The following OTULIN variants were observed in gnomAD, a reference collection of about 807,000 sequenced individuals.
OTULIN encodes ubiquitin thioesterase otulin.
Under a neutral mutation model 39.6 loss-of-function variants are expected in OTULIN, and 15 were observed. That is an observed-to-expected ratio of 0.38 (90% CI 0.25 to 0.58). The LOEUF (loss-of-function observed/expected upper bound fraction) is 0.58. Ranked by LOEUF, OTULIN falls within the 20% of genes least tolerant of loss-of-function variation. The pLI, the probability that OTULIN is intolerant of heterozygous loss-of-function variation, is 0.66. For missense variants in OTULIN, 319 were observed against 445.9 expected (o/e 0.72, Z 2.56); for synonymous variants, 156 against 170.3 (o/e 0.92, Z 0.65).
chr5:14,710,173 A>ATGAC, the OTULIN span: 4 of 152,252 alleles, frequency 2.6e-5, no homozygotes, highest in Non-Finnish European at 5.9e-5. Context: ...CCGCAGAGTT[A>ATGAC]TGACTAAGGA....
the OTULIN span, among the ~76,000 whole-genome samples, chr5:14,714,154 C>T: frequency 6.6e-6 from 1 of 152,232 alleles, no homozygotes; most frequent in African/African-American, 2.4e-5. Flanking sequence ...CTCGTCCCCA[C>T]TTCCCTCTGT....
At chr5:14,713,064 T>A in the OTULIN span, 1 of 1,264,398 alleles carries the variant, frequency 7.9e-7, no homozygotes, top group African/African-American at 1.5e-5. The surrounding 1 kb of genome is among the most constrained non-coding windows in gnomAD (Gnocchi z 4.4). Flanking sequence ...AAGTGTAGCC[T>A]CGAGACGGCT....
chr5:14,680,787 G>C (rs886066277), intron 3 of OTULIN, among the ~76,000 whole-genome samples: 3 of 152,216 alleles, frequency 2.0e-5, no homozygotes, highest in African/African-American at 7.2e-5. Context: ...GGCGGGGCAC[G>C]GTGGCTCACG....
the OTULIN span, among the ~76,000 whole-genome samples, chr5:14,714,147 G>A: frequency 1.5e-4 from 23 of 152,330 alleles, 1 homozygote; most frequent in East Asian, 1.4e-3. Context: ...GAAGCTGCTC[G>A]TCCCCACTTC....
intron 1 of OTULIN, 140 bp from the exon 2 acceptor site, chr5:14,673,502 A>G (rs1256561315): frequency 6.0e-6 from 3 of 503,622 alleles, no homozygotes; most frequent in Non-Finnish European, 1.0e-5. Context: ...TAGAAGACTC[A>G]TATTTTATTA....
chr5:14,714,930 G>T, the OTULIN span, among the ~76,000 whole-genome samples: 3 of 152,222 alleles, frequency 2.0e-5, no homozygotes, highest in Non-Finnish European at 2.9e-5. Context: ...CTCAATCTGC[G>T]AGTGCAGCTG....
downstream of OTULIN, among the ~76,000 whole-genome samples, chr5:14,699,876 T>G (rs1736761426): frequency 6.6e-6 from 1 of 152,228 alleles, no homozygotes; most frequent in Non-Finnish European, 1.5e-5. Context: ...CCTGTTCATG[T>G]TCTTTGCCTC....
At chr5:14,678,828 T>A in intron 3 of OTULIN, 53 bp downstream of exon 3, 1 of 1,177,986 alleles carries the variant, frequency 8.5e-7, no homozygotes, top group Non-Finnish European at 1.2e-6. Context: ...CTATCATAAG[T>A]TGTTTAATAT....
the OTULIN span, among the ~76,000 whole-genome samples, chr5:14,714,461 G>A: frequency 6.6e-6 from 1 of 152,166 alleles, no homozygotes; most frequent in South Asian, 2.1e-4. Flanking sequence ...GAGAGGGCCT[G>A]TTAACCTCCC....
rs116766556 is a variant in OTULIN, at chr5:14,691,459, C to T, written c.864+1151C>T. Among the ~76,000 whole-genome samples, 1,514 of 152,302 alleles carry T rather than the reference C, an allele frequency of 9.9e-3. 28 individuals carry two copies. The highest frequency in any genetic ancestry group is 0.034 in the African/African-American group (1,426 of 41,544). ...GTTATTTTCAAAAATTACCTGTACT[C>T]ATAATGTGGGTTACTTACGTCTCCT... is the stretch of plus-strand genomic sequence containing the variant. On this transcript the variant is annotated intron_variant, in intron 6 of 6. Coordinates refer to ENST00000284274, the MANE Select transcript of OTULIN (RefSeq NM_138348.6).
intron 3 of OTULIN, among the ~76,000 whole-genome samples, chr5:14,679,396 A>T (rs1434753528): frequency 6.6e-6 from 1 of 152,202 alleles, no homozygotes; most frequent in Non-Finnish European, 1.5e-5. Context: ...CTACCCTCAG[A>T]TGTATACCAA....
chr5:14,708,400 T>C, the OTULIN span: 3 of 152,224 alleles, frequency 2.0e-5, no homozygotes, highest in African/African-American at 4.8e-5. Flanking sequence ...CTCACAGGCA[T>C]GGTAACTTTC....
Position 14,695,263 on chromosome 5 carries a change from A to G in OTULIN, c.*2215A>G, listed in dbSNP as rs1057253434. The G allele has an allele frequency of 6.6e-6, 1 of 152,208 alleles. No individual in the cohort carries two copies. Among genetic ancestry groups the G allele is most frequent in the Non-Finnish European group, 1.5e-5 (1 of 68,034 alleles). The allele number at this position is 152,208 out of a possible 1,614,324, so 9.4% of individuals were successfully genotyped here. A position where few individuals can be genotyped will look rare whatever the true frequency, so the allele number is the denominator to read the frequency against. On this transcript the variant is annotated 3_prime_UTR_variant, in exon 7 of 7. Coordinates refer to ENST00000284274, the MANE Select transcript of OTULIN (RefSeq NM_138348.6). The stretch of plus-strand genomic sequence containing the variant: ...AATAGAAATGATTGACCAACTTTAA[A>G]AATAATTTTTTTTTAATTGCAATAT...
Position 14,690,239 on chromosome 5 carries a change from A to C in OTULIN, c.795A>C (p.Thr265=), listed in dbSNP as rs748278772. ...FFSVLLFARD[T]SNDPGQLLRN... ...CTGTGCTTCTGTTTGCTCGGGACAC[A>C]TCAAATGACCCAGGACAGCTTCTGA... The change falls in exon 6 of 7, where the codon ACA becomes ACC. Residue 265 remains threonine (T), a synonymous_variant. Coordinates refer to ENST00000284274, the MANE Select transcript of OTULIN (RefSeq NM_138348.6). The surrounding 1 kb of genome is among the most constrained non-coding windows in gnomAD (Gnocchi z 4.5). 1.2e-6 allele frequency: 2 copies of C among 1,614,102 alleles called. No homozygotes were observed. Among genetic ancestry groups the C allele is most frequent in the Non-Finnish European group, 1.7e-6 (2 of 1,180,042 alleles).
intron 3 of OTULIN, among the ~76,000 whole-genome samples, chr5:14,679,933 C>T (rs1000680345): frequency 3.7e-4 from 27 of 72,688 alleles, no homozygotes; most frequent in Admixed American, 3.2e-3. Flanking sequence ...GCAGATTTTC[C>T]AACCTCTAGC....
chr5:14,713,965 CTG>C, the OTULIN span, among the ~76,000 whole-genome samples: 1 of 152,270 alleles, frequency 6.6e-6, no homozygotes, highest in African/African-American at 2.4e-5. This position sits in a 1 kb window ranked among gnomAD's most constrained non-coding sequence, Gnocchi z 4.4. Flanking sequence ...TTGTCCAGTC[CTG>C]TCCCCACACT....
intron 3 of OTULIN, among the ~76,000 whole-genome samples, chr5:14,679,346 A>G (rs969381141): frequency 2.0e-5 from 3 of 152,166 alleles, no homozygotes; most frequent in Admixed American, 6.5e-5. Context: ...CATGGCCTAC[A>G]TACACCACAC....
At chr5:14,708,717 T>C in the OTULIN span, 1 of 152,248 alleles carries the variant, frequency 6.6e-6, no homozygotes, top group Admixed American at 6.5e-5. Context: ...GAACAAGTCC[T>C]GCCAAATCAG....
In OTULIN at chr5:14,673,058, A is replaced by G. The variant is rs114862912; in HGVS notation, c.153-584A>G. Among the ~76,000 whole-genome samples the G allele has an allele frequency of 1.0e-2, 1,519 of 152,286 alleles. 28 individuals carry two copies. Among genetic ancestry groups the G allele is most frequent in the African/African-American group, 0.034 (1,431 of 41,550 alleles). ...GAGTAAGAAGTCGGTAGTAGCGGAC[A>G]GTGGGAATCTATGTAACAGCTGCAT... On this transcript the variant is annotated intron_variant, in intron 1 of 6. Transcript: ENST00000284274.
Sources: allele counts gnomAD v4.1 joint callset (sites outside exome capture counted in the v4.1 genomes callset), GRCh38; gene constraint gnomAD v4.1.1; non-coding constraint Gnocchi (gnomAD v3.1); transcripts MANE v1.5; gene names NCBI Gene and HGNC (gene_info 2026-07-23, HGNC 2026-07-21).